CAMK1D: variants seen among roughly 807,000 people sequenced by gnomAD.
CAMK1D encodes calcium/calmodulin dependent protein kinase ID.
Under a neutral mutation model 47.7 loss-of-function variants are expected in CAMK1D, and 9 were observed. That is an observed-to-expected ratio of 0.19 (90% CI 0.11 to 0.33). The LOEUF (loss-of-function observed/expected upper bound fraction) is 0.33, where lower values mean the gene tolerates loss of function less well. CAMK1D is among the 10% of genes least tolerant of loss of function. CAMK1D has a pLI of 1.00. For missense variants in CAMK1D, 291 were observed against 488.7 expected (o/e 0.60, Z 3.81); for synonymous variants, 184 against 184.9 (o/e 0.99, Z 0.04).
intron 3 of CAMK1D, among the ~76,000 whole-genome samples, chr10:12,716,320 C>A (rs762540745): frequency 1.3e-5 from 2 of 152,128 alleles, no homozygotes; most frequent in African/African-American, 2.4e-5. Context: ...CCAGTAGCAT[C>A]CCCGGTCTCC....
chr10:12,552,185 C>G (rs1836605370), intron 1 of CAMK1D, among the ~76,000 whole-genome samples: 1 of 152,186 alleles, frequency 6.6e-6, no homozygotes, highest in Admixed American at 6.5e-5. Flanking sequence ...ATAAGGGGCC[C>G]CTCCAGAGAA....
At position 12,654,994 on chromosome 10, in the gene CAMK1D, C is replaced by T. The variant is rs184001269; in HGVS notation, c.225-11742C>T. ...TCCAAAAATGTTCCAGTTATTAGTA[C>T]ATTTGGAACTCCTCAGATAATTCTA... On this transcript the variant is annotated intron_variant, in intron 2 of 10. Transcript: ENST00000619168. 2.0e-3 allele frequency among the ~76,000 whole-genome samples: 311 copies of T among 152,340 alleles called. 2 individuals are homozygous for T. The highest frequency in any genetic ancestry group is 7.1e-3 in the African/African-American group (296 of 41,582).
intron 2 of CAMK1D, among the ~76,000 whole-genome samples, chr10:12,568,998 C>T (rs922517576): frequency 2.0e-5 from 3 of 151,980 alleles, no homozygotes; most frequent in African/African-American, 7.3e-5. Flanking sequence ...AATATCACAG[C>T]GACAAGGAGT....
intron 3 of CAMK1D, among the ~76,000 whole-genome samples, chr10:12,667,711 G>A (rs1458246937): frequency 2.0e-5 from 3 of 152,178 alleles, no homozygotes; most frequent in Admixed American, 2.0e-4. Context: ...TAATGATTTT[G>A]AGACTTTGGA....
chr10:12,374,258 C>CAAAAAAAAAAA (rs56312810), intron 1 of CAMK1D, among the ~76,000 whole-genome samples: 4 of 91,746 alleles, frequency 4.4e-5, no homozygotes, highest in Non-Finnish European at 6.3e-5. Flanking sequence ...GACTCTGTCT[C>CAAAAAAAAAAA]AAAAAAAAAA....
intron 1 of CAMK1D, among the ~76,000 whole-genome samples, chr10:12,491,588 A>AGT (rs1252213143): frequency 6.6e-6 from 1 of 152,126 alleles, no homozygotes; most frequent in African/African-American, 2.4e-5. Flanking sequence ...AGCTGCAGGC[A>AGT]GTGGGCAGGT....
chr10:12,399,366 T>C (rs924475620), intron 1 of CAMK1D, among the ~76,000 whole-genome samples: 55 of 152,042 alleles, frequency 3.6e-4, no homozygotes, highest in African/African-American at 1.3e-3. Flanking sequence ...TAGCTGGGTG[T>C]GGTGGCAGGC....
intron 2 of CAMK1D, among the ~76,000 whole-genome samples, chr10:12,582,732 A>C (rs1337594395): frequency 1.3e-5 from 2 of 152,190 alleles, no homozygotes; most frequent in Non-Finnish European, 2.9e-5. Flanking sequence ...GTATCCTGAA[A>C]CTTTGCTGAA....
chr10:12,469,086 C>A (rs1833675070), intron 1 of CAMK1D, among the ~76,000 whole-genome samples: 1 of 151,886 alleles, frequency 6.6e-6, no homozygotes, highest in Non-Finnish European at 1.5e-5. Context: ...ACCTGTAGCT[C>A]CCCGGATAAA....
intron 4 of CAMK1D, among the ~76,000 whole-genome samples, chr10:12,764,642 C>T (rs1477176886): frequency 6.6e-6 from 1 of 152,190 alleles, no homozygotes; most frequent in Admixed American, 6.5e-5. Flanking sequence ...ATTGTCCTCT[C>T]TCTGCACCCA....
At chr10:12,436,484 T>C (rs935572860) in intron 1 of CAMK1D, among the ~76,000 whole-genome samples, 1 of 152,222 alleles carries the variant, frequency 6.6e-6, no homozygotes, top group African/African-American at 2.4e-5. Flanking sequence ...CTTGCTGACT[T>C]TGTTTTTTGA....
chr10:12,742,768 G>T (rs1835491903), intron 3 of CAMK1D, among the ~76,000 whole-genome samples: 1 of 152,220 alleles, frequency 6.6e-6, no homozygotes, highest in African/African-American at 2.4e-5. Context: ...TTTCCAAAGA[G>T]AATGACTCCA....
chr10:12,494,941 T>C (rs1025334385), intron 1 of CAMK1D, among the ~76,000 whole-genome samples: 1 of 152,194 alleles, frequency 6.6e-6, no homozygotes, highest in African/African-American at 2.4e-5. Context: ...CTCATTGTTT[T>C]GGATTTGAGA....
At chr10:12,578,310 C>T (rs1837554854) in intron 2 of CAMK1D, among the ~76,000 whole-genome samples, 1 of 152,136 alleles carries the variant, frequency 6.6e-6, no homozygotes, top group South Asian at 2.1e-4. Context: ...CTTTGGAAGG[C>T]TTAGGCAGCC....
intron 1 of CAMK1D, among the ~76,000 whole-genome samples, chr10:12,474,199 C>CTTTTTTTTT (rs35554522): frequency 1.7e-5 from 2 of 119,348 alleles, no homozygotes; most frequent in African/African-American, 6.5e-5. Flanking sequence ...GAGGATCGTT[C>CTTTTTTTTT]TTTTTTTTTT....
chr10:12,490,893 C>T (rs1834363853), intron 1 of CAMK1D, among the ~76,000 whole-genome samples: 1 of 152,116 alleles, frequency 6.6e-6, no homozygotes, highest in Non-Finnish European at 1.5e-5. Flanking sequence ...ATGCACACAT[C>T]AGAATATCAC....
chr10:12,819,869 G>A (rs912754625), intron 8 of CAMK1D, among the ~76,000 whole-genome samples: 4 of 152,184 alleles, frequency 2.6e-5, no homozygotes, highest in African/African-American at 4.8e-5. Flanking sequence ...GGGCAGGGAG[G>A]ACTGTGAGTG....
intron 1 of CAMK1D, among the ~76,000 whole-genome samples, chr10:12,384,241 GGATTGGAA>G (rs1459752637): frequency 4.6e-5 from 7 of 152,178 alleles, no homozygotes; most frequent in Admixed American, 4.6e-4. Flanking sequence ...CTGTGTCTAT[GGATTGGAA>G]GACTTAATGT....
intron 3 of CAMK1D, among the ~76,000 whole-genome samples, chr10:12,733,381 A>G (rs540740604): frequency 6.6e-6 from 1 of 152,372 alleles, no homozygotes; most frequent in East Asian, 1.9e-4. Flanking sequence ...AGTTAATGTT[A>G]GGTGGGGAGT....
Sources: gnomAD v4.1 joint callset for allele counts (sites outside exome capture counted in the v4.1 genomes callset) on GRCh38, gnomAD v4.1.1 for gene constraint, MANE v1.5 for transcripts, NCBI Gene and HGNC (gene_info 2026-07-23, HGNC 2026-07-21) for gene names.